The following ADGRL2 variants were observed in gnomAD, a reference collection of about 807,000 sequenced individuals.
ADGRL2 encodes calcium-independent alpha-latrotoxin receptor 2.
Under a neutral mutation model 157.4 loss-of-function variants are expected in ADGRL2, and 44 were observed. The ratio of observed to expected loss-of-function variants is 0.28; its 90% CI spans 0.22 to 0.36. ADGRL2 has a LOEUF of 0.36. Ranked by LOEUF, ADGRL2 falls within the 10% of genes least tolerant of loss-of-function variation. ADGRL2 has a pLI of 1.00. For synonymous variants in ADGRL2, 585 were observed against 624.7 expected (o/e 0.94, Z 0.95); for missense variants, 1,510 against 1,768.9 (o/e 0.85, Z 2.63).
At chr1:81,499,429 C>T (rs935602394) in intron 2 of ADGRL2, among the ~76,000 whole-genome samples, 3 of 152,222 alleles carry the variant, frequency 2.0e-5, no homozygotes, top group African/African-American at 7.2e-5. Context: ...TGATGGATCT[C>T]CTTGCAGTTA....
intron 3 of ADGRL2, among the ~76,000 whole-genome samples, chr1:81,605,977 G>A (rs2081424101): frequency 6.6e-6 from 1 of 151,958 alleles, no homozygotes; most frequent in Non-Finnish European, 1.5e-5. Flanking sequence ...TTTATTAATG[G>A]CCAATTGTAA....
At chr1:81,771,863 A>G (rs532237671) in intron 2 of ADGRL2, among the ~76,000 whole-genome samples, 1 of 152,362 alleles carries the variant, frequency 6.6e-6, no homozygotes, top group South Asian at 2.1e-4. Context: ...CAGACTCATA[A>G]AAGACTTCAA....
chr1:81,411,797 G>A lies in ADGRL2; in HGVS notation c.-301-33239G>A, dbSNP rs181465027. 4.0e-3 allele frequency among the ~76,000 whole-genome samples: 607 copies of A among 151,472 alleles called. 3 individuals are homozygous for A. The highest frequency in any genetic ancestry group is 0.014 in the African/African-American group (581 of 41,274). On this transcript the variant is annotated intron_variant, in intron 1 of 24. Coordinates refer to the ADGRL2 transcript ENST00000370721. ...CGGGAAGCTGAGGCAGGAGAATGGC[G>A]TGAACCCGGGAGGAGGAGCTTGCAG...
chr1:81,490,736 T>C (rs542319928), intron 2 of ADGRL2, among the ~76,000 whole-genome samples: 8 of 152,218 alleles, frequency 5.3e-5, no homozygotes, highest in Non-Finnish European at 8.8e-5. Flanking sequence ...TTGGAAGGCG[T>C]CTTGGCAGTA....
At chr1:81,475,521 A>G (rs1003438545) in intron 2 of ADGRL2, among the ~76,000 whole-genome samples, 3 of 152,180 alleles carry the variant, frequency 2.0e-5, no homozygotes, top group Non-Finnish European at 2.9e-5. Context: ...TACCTATTTT[A>G]CTATGTTACA....
chr1:81,777,695 A>G (rs2086642389), intron 2 of ADGRL2, among the ~76,000 whole-genome samples: 1 of 152,174 alleles, frequency 6.6e-6, no homozygotes, highest in African/African-American at 2.4e-5. Flanking sequence ...CTCAGGAGGC[A>G]TAGGCTGCAC....
In ADGRL2 at chr1:81,955,979, G is replaced by A; in HGVS notation, c.1936G>A (p.Asp646Asn). Residue 646 changes from aspartate to asparagine, a missense_variant, in exon 11 of 24, where the codon GAT becomes AAT. Asp to Asn is a conservative substitution (Grantham distance 23). Coordinates refer to ENST00000686636, the MANE Select transcript of ADGRL2 (RefSeq NM_001366006.2). ...EQAHTATMLL[D>N]TLEEGAFVLA... ...AGCACATACTGCAACAATGTTACTC[G>A]ATACATTGGAAGAAGGAGCTTTTGT... 6.2e-6 allele frequency: 10 copies of A among 1,611,100 alleles called. No homozygotes were observed. The highest frequency in any genetic ancestry group is 2.2e-5 in the East Asian group (1 of 44,688).
chr1:81,936,515 AT>A (rs753114963), intron 3 of ADGRL2, among the ~76,000 whole-genome samples: 17 of 151,924 alleles, frequency 1.1e-4, no homozygotes, highest in Non-Finnish European at 1.9e-4. Flanking sequence ...TCTAGTTAAA[AT>A]TTAGTGTGAC....
At chr1:81,456,404 T>C (rs1405535378) in intron 2 of ADGRL2, among the ~76,000 whole-genome samples, 1 of 151,882 alleles carries the variant, frequency 6.6e-6, no homozygotes, top group Non-Finnish European at 1.5e-5. Context: ...ATTTTTATTA[T>C]TATTATTATT....
At chr1:81,357,427 A>T (rs1399156524) in intron 1 of ADGRL2, among the ~76,000 whole-genome samples, 2 of 152,122 alleles carry the variant, frequency 1.3e-5, no homozygotes. Flanking sequence ...CTCTATATCC[A>T]CTAAAGTCAT....
chr1:81,987,847 CT>C, intron 22 of ADGRL2, 21 bp from the exon 23 acceptor site: 1 of 306,208 alleles, frequency 3.3e-6, no homozygotes, highest in South Asian at 3.2e-5. Flanking sequence ...TTTTTTTTCA[CT>C]TTCCTTATGC....
chr1:81,577,999 A>G (rs2080829931), intron 2 of ADGRL2, among the ~76,000 whole-genome samples: 1 of 152,184 alleles, frequency 6.6e-6, no homozygotes, highest in Non-Finnish European at 1.5e-5. Flanking sequence ...ATATTGAACC[A>G]CTTGTTTTAC....
intron 2 of ADGRL2, among the ~76,000 whole-genome samples, chr1:81,538,916 G>A (rs984600925): frequency 6.6e-6 from 1 of 151,790 alleles, no homozygotes; most frequent in Non-Finnish European, 1.5e-5. Context: ...GTTGAGGTTG[G>A]GGGATGGCTT....
intron 2 of ADGRL2, among the ~76,000 whole-genome samples, chr1:81,488,121 T>A (rs1035839838): frequency 6.6e-6 from 1 of 152,148 alleles, no homozygotes; most frequent in African/African-American, 2.4e-5. Flanking sequence ...TTTTCCCCTT[T>A]ATTTTTATTT....
At chr1:81,742,554 C>A (rs1001176367) in intron 1 of ADGRL2, among the ~76,000 whole-genome samples, 1 of 151,928 alleles carries the variant, frequency 6.6e-6, no homozygotes, top group Non-Finnish European at 1.5e-5. Context: ...TCAAAAGATG[C>A]AAATTCCTTC....
At chr1:81,563,311 T>C (rs1274067394) in intron 2 of ADGRL2, among the ~76,000 whole-genome samples, 1 of 152,206 alleles carries the variant, frequency 6.6e-6, no homozygotes, top group Non-Finnish European at 1.5e-5. Flanking sequence ...TTTATTGCTC[T>C]TCCTTGACAA....
At chr1:81,523,680 T>TA (rs1201433122) in intron 2 of ADGRL2, among the ~76,000 whole-genome samples, 1 of 152,214 alleles carries the variant, frequency 6.6e-6, no homozygotes, top group East Asian at 1.9e-4. Context: ...AAAAGTTGGA[T>TA]AACACCCTAT....
chr1:81,524,499 A>T (rs2079405051), intron 2 of ADGRL2, among the ~76,000 whole-genome samples: 1 of 152,248 alleles, frequency 6.6e-6, no homozygotes. Flanking sequence ...ATAGGATGCC[A>T]TTACAGTGTG....
chr1:81,842,201 G>T (rs2092610473), intron 2 of ADGRL2, among the ~76,000 whole-genome samples: 2 of 151,978 alleles, frequency 1.3e-5, no homozygotes, highest in Admixed American at 1.3e-4. Context: ...TGGAAAAAAT[G>T]ATGAGATGAT....
Sources: allele counts gnomAD v4.1 joint callset (sites outside exome capture counted in the v4.1 genomes callset), GRCh38; gene constraint gnomAD v4.1.1; transcripts MANE v1.5; gene names NCBI Gene and HGNC (gene_info 2026-07-23, HGNC 2026-07-21).